The following BEND4 variants were observed in gnomAD, a reference collection of about 807,000 sequenced individuals.
BEND4 encodes the protein BEN domain containing 4, also known as BEN domain-containing protein 4.
Under a neutral mutation model 54.7 loss-of-function variants are expected in BEND4, and 27 were observed. That is an observed-to-expected ratio of 0.49 (90% CI 0.36 to 0.68). The LOEUF is 0.68. BEND4 is among the 30% of genes least tolerant of loss of function. The pLI is 0.00. For missense variants in BEND4, 702 were observed against 697.2 expected, an observed-to-expected ratio of 1.01 and a Z score of -0.08; for synonymous variants, 327 against 299.5, an observed-to-expected ratio of 1.09 and a Z score of -0.95.
intron 3 of BEND4, 31 bp from the exon 4 acceptor site, chr4:42,125,705 T>C (rs1720250914): frequency 1.4e-6 from 2 of 1,385,658 alleles, no homozygotes; most frequent in Non-Finnish European, 2.0e-6. Flanking sequence ...CAATTACACA[T>C]TGGCTATCCC....
At position 42,143,650 on chromosome 4, in the gene BEND4, C is replaced by T. The variant is rs200251365; in HGVS notation, c.832G>A (p.Asp278Asn). ...SSASEYGHLA[D>N]VDPLSTSPVH... ...GGAGAGGTTGACAGAGGATCCACGT[C>T]GGCCAGATGGCCATATTCACTGGCT... The change falls in exon 3 of 6, where the codon GAC (aspartate) becomes AAC (asparagine). Residue 278 changes from aspartate to asparagine, a missense_variant. By Grantham distance (23) the Asp-to-Asn change is conservative (BLOSUM62 1). Coordinates refer to ENST00000502486, the MANE Select transcript of BEND4 (RefSeq NM_207406.4). 4.3e-6 allele frequency: 7 copies of T among 1,613,704 alleles called. No individual in the cohort carries two copies. Among genetic ancestry groups the T allele is most frequent in the South Asian group, 3.3e-5 (3 of 90,960 alleles).
At chr4:42,124,459 C>T (rs1720195500) in intron 4 of BEND4, among the ~76,000 whole-genome samples, 1 of 152,116 alleles carries the variant, frequency 6.6e-6, no homozygotes, top group Non-Finnish European at 1.5e-5. Flanking sequence ...GATGGAAAAA[C>T]TCATGAAGGC....
At chr4:42,119,164 A>G (rs1295999075) in intron 5 of BEND4, among the ~76,000 whole-genome samples, 3 of 152,180 alleles carry the variant, frequency 2.0e-5, no homozygotes, top group Admixed American at 6.5e-5. Context: ...GTGCAGAAGT[A>G]GAGTATTCTT....
intron 3 of BEND4, among the ~76,000 whole-genome samples, chr4:42,139,762 G>A (rs1720822011): frequency 6.6e-6 from 1 of 152,066 alleles, no homozygotes; most frequent in Non-Finnish European, 1.5e-5. Flanking sequence ...CTGCTTGGCT[G>A]TAAAAAAGTG....
In BEND4 at chr4:42,143,723, TAG is replaced by T. The variant is rs764845222; in HGVS notation, c.757_758del (p.Leu253ThrfsTer19). ...AGCTTCCCGAGAGCAGGTAATTTTG[TAG>T]AGAGTCAGTGAAAACCCTCAAAAAG... ...SAFLRVFTDS[L>X]QNYLLSGSFP... On this transcript the variant is annotated frameshift_variant, in exon 3 of 6. Transcript: ENST00000502486. LOFTEE classifies it high-confidence loss of function. 2.5e-6 allele frequency: 4 copies of T among 1,613,946 alleles called. No individual in the cohort carries two copies. Among genetic ancestry groups the T allele is most frequent in the Non-Finnish European group, 3.4e-6 (4 of 1,179,914 alleles).
intron 3 of BEND4, among the ~76,000 whole-genome samples, chr4:42,140,777 C>G (rs1284521487): frequency 2.6e-5 from 4 of 152,146 alleles, no homozygotes; most frequent in Admixed American, 2.6e-4. Context: ...TTTGTGTCAC[C>G]TGTCCTTGCA....
At chr4:42,151,601 C>T (rs1359459792) in intron 2 of BEND4, 56 bp downstream of exon 2, 3 of 1,416,092 alleles carry the variant, frequency 2.1e-6, no homozygotes, top group Admixed American at 6.6e-5. Flanking sequence ...CTTCCTGGGT[C>T]CCCTCCCGCT....
chr4:42,140,778 T>C (rs1720853496), intron 3 of BEND4, among the ~76,000 whole-genome samples: 1 of 152,240 alleles, frequency 6.6e-6, no homozygotes, highest in Non-Finnish European at 1.5e-5. Context: ...TTGTGTCACC[T>C]GTCCTTGCAC....
At chr4:42,131,792 TAA>T (rs537082844) in intron 3 of BEND4, among the ~76,000 whole-genome samples, 3 of 144,818 alleles carry the variant, frequency 2.1e-5, no homozygotes, top group Non-Finnish European at 1.5e-5. Flanking sequence ...GGTCAATTGT[TAA>T]AAAAAAAAAA....
At position 42,114,345 on chromosome 4, in the gene BEND4, T is replaced by G. The variant is rs1719710721; in HGVS notation, c.*3173A>C. 1 of 152,138 alleles carries G rather than the reference T, an allele frequency of 6.6e-6. No homozygotes were observed. The highest frequency in any genetic ancestry group is 1.5e-5 in the Non-Finnish European group (1 of 68,024). 9.4% of individuals were successfully genotyped at this position (152,138 alleles called of 1,614,324 possible). A position where few individuals can be genotyped will look rare whatever the true frequency, so the allele number is the denominator to read the frequency against. On this transcript the variant is annotated 3_prime_UTR_variant, in exon 6 of 6. Transcript: ENST00000502486. ...GGAAAACACAGGACAGTTGTCACTT[T>G]TTGTAGGTATGGCTCTTCTGCTTAT...
chr4:42,120,334 G>A (rs1720009662), intron 4 of BEND4, 40 bp from the exon 5 acceptor site: 1 of 1,582,854 alleles, frequency 6.3e-7, no homozygotes. Context: ...CACCGAGCCA[G>A]CCAGCCAGAA....
chr4:42,137,396 C>T (rs1720732492), intron 3 of BEND4, among the ~76,000 whole-genome samples: 1 of 152,086 alleles, frequency 6.6e-6, no homozygotes, highest in African/African-American at 2.4e-5. Context: ...AATACAAGAC[C>T]AGAAACTATA....
At chr4:42,130,174 GAA>G (rs1296272050) in intron 3 of BEND4, among the ~76,000 whole-genome samples, 1 of 152,186 alleles carries the variant, frequency 6.6e-6, no homozygotes, top group Non-Finnish European at 1.5e-5. Flanking sequence ...GATCATTAGA[GAA>G]ATGCAAATCA....
In BEND4 at chr4:42,135,700, G is replaced by A. The variant is rs190307901; in HGVS notation, c.1054+7728C>T. The stretch of plus-strand genomic sequence containing the variant: ...TGAGGCAGGAGAATGGCATGAACCC[G>A]GGAGGCAGAGCTTGCAGTGAGCCGA... On this transcript the variant is annotated intron_variant, in intron 3 of 5. Coordinates refer to ENST00000502486, the MANE Select transcript of BEND4 (RefSeq NM_207406.4). Among the ~76,000 whole-genome samples, 781 of 152,198 alleles carry A rather than the reference G, an allele frequency of 5.1e-3. 5 individuals carry two copies. Among genetic ancestry groups the A allele is most frequent in the African/African-American group, 0.018 (740 of 41,534 alleles).
At chr4:42,138,109 A>G (rs1720756298) in intron 3 of BEND4, among the ~76,000 whole-genome samples, 1 of 152,214 alleles carries the variant, frequency 6.6e-6, no homozygotes, top group African/African-American at 2.4e-5. Context: ...AATGAAATCA[A>G]CATCTTGTAA....
In BEND4 at chr4:42,120,170, GTGAAAACAAATC is replaced by G. The variant is rs1720002284; in HGVS notation, c.1259_1270del (p.Arg420_Phe423del). ...GCATGAGTACTTAAGCTCATCGGTT[GTGAAAACAAATC>G]TGATGAGGTATCGAAGGAGCCGTCT... On this transcript the variant is annotated inframe_deletion, in exon 5 of 6. Coordinates refer to ENST00000502486, the MANE Select transcript of BEND4 (RefSeq NM_207406.4). 1.2e-6 allele frequency: 2 copies of G among 1,613,874 alleles called. No individual in the cohort carries two copies. The highest frequency in any genetic ancestry group is 2.2e-5 in the South Asian group (2 of 91,084).
chr4:42,129,825 C>T (rs1353169471), intron 3 of BEND4, among the ~76,000 whole-genome samples: 4 of 152,112 alleles, frequency 2.6e-5, no homozygotes, highest in Non-Finnish European at 5.9e-5. Context: ...TAGGCAATAC[C>T]ATTCAGGACA....
intron 5 of BEND4, 81 bp from the exon 6 acceptor site, chr4:42,117,816 T>G: frequency 1.1e-6 from 1 of 920,956 alleles, no homozygotes; most frequent in South Asian, 1.7e-5. Flanking sequence ...GCAGGCTGCT[T>G]AAACTTTAAC....
chr4:42,151,683 T>A lies in BEND4; in HGVS notation c.461A>T (p.Asp154Val), dbSNP rs1054895314. ...TGCGCTGAGCTCCAGGCTGGCGCTG[T>A]CGCTACCCGTGCCGCCGGTGCCGGC... ...AAAGTGGTGS[D>V]SASLELSAES... The change falls in exon 2 of 6, where the codon GAC becomes GTC. Residue 154 changes from aspartate to valine, a missense_variant. Transcript: ENST00000502486. The A allele has an allele frequency of 2.0e-6, 3 of 1,492,036 alleles. No homozygotes were observed. In the South Asian group the frequency reaches 3.7e-5, roughly 19 times the overall value. 92.4% of individuals were successfully genotyped at this position (1,492,036 alleles called of 1,614,324 possible).
Sources: allele counts gnomAD v4.1 joint callset (sites outside exome capture counted in the v4.1 genomes callset), GRCh38; gene constraint gnomAD v4.1.1; transcripts MANE v1.5; gene names NCBI Gene and HGNC (gene_info 2026-07-23, HGNC 2026-07-21).